The following ATXN7L1 variants were observed in gnomAD, a reference collection of about 807,000 sequenced individuals.
ATXN7L1 encodes the protein ataxin 7 like 1.
A neutral mutation model predicts 70.8 loss-of-function variants in ATXN7L1; 15 were observed. The observed-to-expected ratio is 0.21, with a 90% CI of 0.14 to 0.33. The LOEUF (loss-of-function observed/expected upper bound fraction) is 0.33, where lower values mean the gene tolerates loss of function less well. Ranked by LOEUF, ATXN7L1 falls within the 10% of genes least tolerant of loss-of-function variation. The pLI is 1.00. For synonymous variants in ATXN7L1, 440 were observed against 445.1 expected, an observed-to-expected ratio of 0.99 and a Z score of 0.14; for missense variants, 975 against 1,097.1, an observed-to-expected ratio of 0.89 and a Z score of 1.57.
intron 4 of ATXN7L1, among the ~76,000 whole-genome samples, chr7:105,660,318 G>C: frequency 6.6e-6 from 1 of 152,022 alleles, no homozygotes; most frequent in Non-Finnish European, 1.5e-5. Flanking sequence ...CCAAATTCCT[G>C]AACTTAACAC....
At chr7:105,682,148 C>G (rs1045119700) in intron 3 of ATXN7L1, among the ~76,000 whole-genome samples, 4 of 152,006 alleles carry the variant, frequency 2.6e-5, no homozygotes, top group Non-Finnish European at 5.9e-5. Flanking sequence ...TGGCTTGAAC[C>G]CAGGAGGCGG....
At chr7:105,688,717 C>G (rs1335317894) in intron 3 of ATXN7L1, among the ~76,000 whole-genome samples, 2 of 152,180 alleles carry the variant, frequency 1.3e-5, no homozygotes, top group African/African-American at 2.4e-5. Context: ...TCAGTAACAG[C>G]AAGGTCAAGG....
chr7:105,857,207 CT>C (rs1815869145), intron 2 of ATXN7L1, among the ~76,000 whole-genome samples: 2 of 152,158 alleles, frequency 1.3e-5, no homozygotes, highest in Admixed American at 1.3e-4. Flanking sequence ...ATTAACTTGA[CT>C]CCTACTAACT....
chr7:105,777,394 T>C (rs1271882901), intron 3 of ATXN7L1, among the ~76,000 whole-genome samples: 1 of 152,182 alleles, frequency 6.6e-6, no homozygotes, highest in Non-Finnish European at 1.5e-5. Context: ...AACCCTCAGG[T>C]TGCTAACTTA....
intron 2 of ATXN7L1, 90 bp downstream of exon 2, chr7:105,875,722 G>A: frequency 7.8e-7 from 1 of 1,286,830 alleles, no homozygotes; most frequent in Non-Finnish European, 1.1e-6. Context: ...TAGTCACTCT[G>A]TACCCAGCAG....
chr7:105,835,060 G>T (rs1410766575), intron 2 of ATXN7L1, among the ~76,000 whole-genome samples: 1 of 151,316 alleles, frequency 6.6e-6, no homozygotes, highest in Non-Finnish European at 1.5e-5. Flanking sequence ...AATGCTGGGG[G>T]AGAGGCAGGG....
chr7:105,851,892 T>G (rs1439753037), intron 2 of ATXN7L1, among the ~76,000 whole-genome samples: 1 of 152,202 alleles, frequency 6.6e-6, no homozygotes, highest in South Asian at 2.1e-4. Context: ...TGTTTCCCTC[T>G]TGCACCCTCT....
intron 3 of ATXN7L1, among the ~76,000 whole-genome samples, chr7:105,697,381 G>C (rs1400515935): frequency 6.6e-6 from 1 of 152,210 alleles, no homozygotes; most frequent in African/African-American, 2.4e-5. Context: ...TCCATGCTGA[G>C]AAAAAGAATT....
At chr7:105,704,122 T>G (rs543031519) in intron 3 of ATXN7L1, among the ~76,000 whole-genome samples, 1 of 152,268 alleles carries the variant, frequency 6.6e-6, no homozygotes, top group African/African-American at 2.4e-5. Context: ...CCACTTTAGG[T>G]TGGTCCACAA....
At chr7:105,774,902 G>C (rs1308123007) in intron 3 of ATXN7L1, among the ~76,000 whole-genome samples, 1 of 151,868 alleles carries the variant, frequency 6.6e-6, no homozygotes. Context: ...AATTCAGGGG[G>C]AGAAAAGCAA....
intron 11 of ATXN7L1, among the ~76,000 whole-genome samples, chr7:105,609,424 C>G (rs1187931019): frequency 6.6e-6 from 1 of 151,986 alleles, no homozygotes; most frequent in Non-Finnish European, 1.5e-5. Context: ...GCCTTGGCCT[C>G]CCAAAGTGCT....
chr7:105,874,033 G>C (rs772673186), intron 2 of ATXN7L1, among the ~76,000 whole-genome samples: 1 of 150,772 alleles, frequency 6.6e-6, no homozygotes, highest in African/African-American at 2.4e-5. Context: ...GCTGAGGCAG[G>C]AGAATCGCTT....
intron 3 of ATXN7L1, 173 bp downstream of exon 3, chr7:105,788,431 G>T (rs1455808255): frequency 6.7e-6 from 4 of 594,176 alleles, no homozygotes; most frequent in African/African-American, 3.7e-5. Flanking sequence ...TTCAGCAGAA[G>T]GACTACAGCT....
chr7:105,610,705 C>T, intron 10 of ATXN7L1, 102 bp from the exon 11 acceptor site: 2 of 941,170 alleles, frequency 2.1e-6, no homozygotes, highest in Non-Finnish European at 3.2e-6. Flanking sequence ...CACAATGCCT[C>T]CTTCATTCCC....
At chr7:105,721,236 A>G (rs1795145997) in intron 3 of ATXN7L1, among the ~76,000 whole-genome samples, 1 of 152,172 alleles carries the variant, frequency 6.6e-6, no homozygotes, top group Non-Finnish European at 1.5e-5. Flanking sequence ...TCAGGGTGAC[A>G]GGGCACAGAA....
intron 2 of ATXN7L1, chr7:105,819,514 T>C (rs1262114228): frequency 1.6e-6 from 2 of 1,286,938 alleles, no homozygotes. Flanking sequence ...CAGGTCCTGG[T>C]GCTTGATGGT....
intron 3 of ATXN7L1, among the ~76,000 whole-genome samples, chr7:105,748,352 A>G (rs939018975): frequency 6.6e-6 from 1 of 151,896 alleles, no homozygotes; most frequent in Non-Finnish European, 1.5e-5. Context: ...TACCTGTGAG[A>G]CTCTGGCTGG....
At chr7:105,726,419 T>C (rs937936996) in intron 3 of ATXN7L1, among the ~76,000 whole-genome samples, 2 of 152,140 alleles carry the variant, frequency 1.3e-5, no homozygotes, top group Non-Finnish European at 2.9e-5. Context: ...ACCTTACATG[T>C]CCCTTAGTGT....
At chr7:105,865,827 T>C (rs1284605151) in intron 2 of ATXN7L1, among the ~76,000 whole-genome samples, 2 of 152,160 alleles carry the variant, frequency 1.3e-5, no homozygotes, top group African/African-American at 2.4e-5. Context: ...CTCTGTATCA[T>C]GGCAACACTA....
Sources: gnomAD v4.1 joint callset for allele counts (sites outside exome capture counted in the v4.1 genomes callset) on GRCh38, gnomAD v4.1.1 for gene constraint, MANE v1.5 for transcripts, NCBI Gene and HGNC (gene_info 2026-07-23, HGNC 2026-07-21) for gene names.